IGF2BP3: variants seen among roughly 807,000 people sequenced by gnomAD.
IGF2BP3 encodes the protein insulin-like growth factor 2 mRNA-binding protein 3.
IGF2BP3 carries 9 observed loss-of-function variants against 73.8 expected under a neutral mutation model. That is an observed-to-expected ratio of 0.12 (90% CI 0.07 to 0.21). The LOEUF is 0.21. Ranked by LOEUF, IGF2BP3 falls within the 10% of genes least tolerant of loss-of-function variation. IGF2BP3 has a pLI of 1.00. For missense variants in IGF2BP3, 542 were observed against 714.0 expected (o/e 0.76, Z 2.75); for synonymous variants, 258 against 256.7 (o/e 1.01, Z -0.05).
At chr7:23,341,967 G>A (rs916669023) in intron 10 of IGF2BP3, 97 bp downstream of exon 10, 2 of 1,303,976 alleles carry the variant, frequency 1.5e-6, no homozygotes, top group African/African-American at 3.1e-5. Flanking sequence ...AAGAACTGGA[G>A]AGCATATGTT....
intron 8 of IGF2BP3, among the ~76,000 whole-genome samples, chr7:23,345,535 C>A (rs931691322): frequency 1.3e-5 from 2 of 152,242 alleles, no homozygotes; most frequent in African/African-American, 2.4e-5. Context: ...CAAGCCAGAA[C>A]CACCCAGCTA....
chr7:23,366,572 A>AC lies in IGF2BP3; in HGVS notation c.286-4832dup, dbSNP rs1250623005. Among the ~76,000 whole-genome samples the AC allele has an allele frequency of 2.9e-3, 434 of 151,288 alleles. 4 individuals are homozygous for AC. The highest frequency in any genetic ancestry group is 9.7e-3 in the African/African-American group (397 of 41,024). On this transcript the variant is annotated intron_variant, in intron 3 of 14. Transcript: ENST00000258729. ...AAGTAAAAAAGAAAAAAAAAAAAAA[A>AC]CCACAAGCAAAAAAACCCCTCTAAT...
At chr7:23,451,082 G>A (rs768798100) in intron 2 of IGF2BP3, among the ~76,000 whole-genome samples, 11 of 152,038 alleles carry the variant, frequency 7.2e-5, no homozygotes, top group Non-Finnish European at 1.3e-4. Flanking sequence ...TGCCTCTTAG[G>A]CCAAAGAAAC....
At chr7:23,368,197 T>G (rs190555076) in intron 3 of IGF2BP3, among the ~76,000 whole-genome samples, 6 of 152,130 alleles carry the variant, frequency 3.9e-5, no homozygotes, top group Non-Finnish European at 7.4e-5. Context: ...TGTGGTATAT[T>G]TGTACAATGG....
At chr7:23,327,891 C>G (rs1422154663) in intron 10 of IGF2BP3, among the ~76,000 whole-genome samples, 1 of 152,186 alleles carries the variant, frequency 6.6e-6, no homozygotes, top group Non-Finnish European at 1.5e-5. Context: ...TGGAGAGATA[C>G]TGATCACCAA....
At chr7:23,440,293 G>A (rs1212040545) in intron 2 of IGF2BP3, among the ~76,000 whole-genome samples, 1 of 151,012 alleles carries the variant, frequency 6.6e-6, no homozygotes, top group African/African-American at 2.4e-5. Context: ...AAAATTAGCT[G>A]GGCATGGTGG....
intron 9 of IGF2BP3, 123 bp from the exon 10 acceptor site, chr7:23,342,312 G>C: frequency 1.9e-6 from 2 of 1,075,678 alleles, no homozygotes; most frequent in African/African-American, 1.6e-5. Context: ...ATAACTCAAA[G>C]CAGATGTTCC....
intron 3 of IGF2BP3, among the ~76,000 whole-genome samples, chr7:23,386,439 C>A (rs274029): frequency 0.12 from 17,500 of 152,162 alleles, 2,162 homozygotes; most frequent in African/African-American, 0.31. Flanking sequence ...CAACAAAAAA[C>A]CACCACACAC....
intron 10 of IGF2BP3, among the ~76,000 whole-genome samples, chr7:23,328,766 A>G (rs1369112519): frequency 6.6e-6 from 1 of 152,190 alleles, no homozygotes; most frequent in Non-Finnish European, 1.5e-5. Context: ...TACCTAACCT[A>G]AAGTAAGTGC....
chr7:23,326,678 CAAT>C (rs1305298554), intron 10 of IGF2BP3, among the ~76,000 whole-genome samples: 1 of 145,536 alleles, frequency 6.9e-6, no homozygotes, highest in African/African-American at 2.6e-5. Context: ...AAATGTCCAA[CAAT>C]GATAGACTGG....
intron 2 of IGF2BP3, among the ~76,000 whole-genome samples, chr7:23,424,556 G>A (rs1343031189): frequency 6.6e-6 from 1 of 151,994 alleles, no homozygotes; most frequent in African/African-American, 2.4e-5. Flanking sequence ...TAGTTACTAT[G>A]AAAATTCAAT....
intron 3 of IGF2BP3, among the ~76,000 whole-genome samples, chr7:23,369,322 C>T (rs551487027): frequency 6.6e-6 from 1 of 152,126 alleles, no homozygotes; most frequent in Non-Finnish European, 1.5e-5. Context: ...GGTGTCACCT[C>T]CTGGTATGAT....
At chr7:23,323,852 A>C (rs1415632320) in intron 10 of IGF2BP3, among the ~76,000 whole-genome samples, 1 of 152,024 alleles carries the variant, frequency 6.6e-6, no homozygotes, top group African/African-American at 2.4e-5. Context: ...GGCAGAAATA[A>C]AGATGTTCTT....
intron 2 of IGF2BP3, among the ~76,000 whole-genome samples, chr7:23,460,443 A>C (rs1414655477): frequency 6.6e-6 from 1 of 151,236 alleles, no homozygotes; most frequent in Non-Finnish European, 1.5e-5. Context: ...GAAGCAGGAG[A>C]ATCACTTGAA....
intron 12 of IGF2BP3, among the ~76,000 whole-genome samples, chr7:23,314,509 G>A (rs1783924432): frequency 6.6e-6 from 1 of 151,314 alleles, no homozygotes; most frequent in Non-Finnish European, 1.5e-5. Flanking sequence ...TGGGGGTCTT[G>A]CTATGTTGCC....
At chr7:23,399,797 T>C (rs926853900) in intron 3 of IGF2BP3, among the ~76,000 whole-genome samples, 6 of 152,344 alleles carry the variant, frequency 3.9e-5, no homozygotes, top group East Asian at 1.9e-4. Flanking sequence ...GAATGTTGAC[T>C]ATCATTAAGG....
intron 3 of IGF2BP3, among the ~76,000 whole-genome samples, chr7:23,375,677 A>T (rs1379433551): frequency 6.6e-6 from 1 of 152,236 alleles, no homozygotes; most frequent in Non-Finnish European, 1.5e-5. Context: ...TGAATTTTCT[A>T]AATGAGGTGA....
At chr7:23,339,791 T>A (rs1352440476) in intron 10 of IGF2BP3, among the ~76,000 whole-genome samples, 2 of 152,170 alleles carry the variant, frequency 1.3e-5, no homozygotes, top group Non-Finnish European at 2.9e-5. Flanking sequence ...ATCAGCTCAT[T>A]GTACCTTTTA....
At chr7:23,425,546 A>C (rs1222343429) in intron 2 of IGF2BP3, among the ~76,000 whole-genome samples, 2 of 152,094 alleles carry the variant, frequency 1.3e-5, no homozygotes, top group African/African-American at 4.8e-5. Context: ...ATGCCCAGCT[A>C]AATTTTTTGT....
Sources: allele counts gnomAD v4.1 joint callset (sites outside exome capture counted in the v4.1 genomes callset), GRCh38; gene constraint gnomAD v4.1.1; transcripts MANE v1.5; gene names NCBI Gene and HGNC (gene_info 2026-07-23, HGNC 2026-07-21).